Variants in MYLK2 observed in about 807,000 individuals in gnomAD.
The protein encoded by MYLK2 is myosin light chain kinase 2, also known as myosin light chain kinase 2, skeletal/cardiac muscle.
Under a neutral mutation model 58.2 loss-of-function variants are expected in MYLK2, and 27 were observed. That is an observed-to-expected ratio of 0.46 (90% CI 0.34 to 0.64). The LOEUF (loss-of-function observed/expected upper bound fraction) is 0.64. MYLK2 is among the 30% of genes least tolerant of loss of function. MYLK2 has a pLI of 0.01. For missense variants in MYLK2, 676 were observed against 764.3 expected (o/e 0.88, Z 1.36); for synonymous variants, 310 against 296.7 (o/e 1.04, Z -0.46).
At chr20:31,823,365 T>TGGAGCC in intron 4 of MYLK2, 112 bp from the exon 5 acceptor site, 1 of 925,992 alleles carries the variant, frequency 1.1e-6, no homozygotes, top group South Asian at 1.4e-5. Context: ...CAGGTATCAC[T>TGGAGCC]TGGTGAACTT....
intron 8 of MYLK2, among the ~76,000 whole-genome samples, chr20:31,828,854 T>G (rs2062292319): frequency 6.6e-6 from 1 of 151,250 alleles, no homozygotes; most frequent in Non-Finnish European, 1.5e-5. Flanking sequence ...GGGGCCAGAG[T>G]GGATGCAGGG....
intron 8 of MYLK2, among the ~76,000 whole-genome samples, chr20:31,829,445 T>C (rs993189696): frequency 2.0e-5 from 3 of 152,288 alleles, no homozygotes; most frequent in South Asian, 2.1e-4. Flanking sequence ...TTTTCTTTCC[T>C]GTTTTGTGGG....
At chr20:31,827,330 T>C in intron 8 of MYLK2, 2 of 985,320 alleles carry the variant, frequency 2.0e-6, no homozygotes, top group Non-Finnish European at 2.4e-6. Flanking sequence ...TGATCATTTA[T>C]TCAAAAGCAA....
chr20:31,833,117 G>A (rs1296518452), intron 12 of MYLK2, among the ~76,000 whole-genome samples: 7 of 152,196 alleles, frequency 4.6e-5, no homozygotes, highest in Admixed American at 2.6e-4. Flanking sequence ...CAATCCTCCC[G>A]CCTTGGCCTC....
Position 31,826,892 on chromosome 20 carries a change from G to T in MYLK2, c.1178G>T (p.Gly393Val). The change falls in exon 8 of 13, where the codon GGG (glycine) becomes GTG (valine). Residue 393 changes from glycine to valine, a missense_variant. Physicochemically the swap from Gly to Val is moderately radical, Grantham distance 109. Coordinates refer to ENST00000375985, the MANE Select transcript of MYLK2 (RefSeq NM_033118.4). ...TMVFVRQICD[G>V]ILFMHKMRVL... is the part of the protein sequence containing the mutation. Reference sequence around the variant, plus strand: ...GTGTTTGTCAGGCAGATCTGTGACGGGATCCTCTTCATGCACAAGATGAGG... The same window carrying T: ...GTGTTTGTCAGGCAGATCTGTGACGTGATCCTCTTCATGCACAAGATGAGG... 6.2e-7 allele frequency: 1 copy of T among 1,614,054 alleles called. No homozygotes were observed.
chr20:31,822,359 C>A lies in MYLK2; in HGVS notation c.772+622C>A, dbSNP rs532831186. Among the ~76,000 whole-genome samples, 3 of 152,320 alleles carry A rather than the reference C, an allele frequency of 2.0e-5. No homozygotes were observed. The South Asian group carries it at 6.2e-4, about 32-fold the overall frequency. ...TCAAATGCCAGGCTTAGTAGCTAAA[C>A]TGTATAGTGGGGTGGGGTCGTGGGA... On this transcript the variant is annotated intron_variant, in intron 4 of 12. Transcript: ENST00000375985.
chr20:31,824,448 G>C, intron 6 of MYLK2, 96 bp downstream of exon 6: 1 of 1,547,828 alleles, frequency 6.5e-7, no homozygotes, highest in East Asian at 2.4e-5. Flanking sequence ...GCTGAACCTG[G>C]GGCCTGGTAT....
chr20:31,832,697 T>C (rs1409322759), intron 12 of MYLK2, among the ~76,000 whole-genome samples: 2 of 152,140 alleles, frequency 1.3e-5, no homozygotes, highest in Non-Finnish European at 2.9e-5. Flanking sequence ...TTCACCATGT[T>C]GGCCAGGCTG....
chr20:31,827,133 G>A lies in MYLK2; in HGVS notation c.1224+195G>A, dbSNP rs199808828. ...GCCGGGGGCACAGCAAAGAGAGAGAGGGGGGGAAAAAAAAAAGACGTGGTA... is the reference window on the plus strand; with the variant it reads ...GCCGGGGGCACAGCAAAGAGAGAGAAGGGGGGAAAAAAAAAAGACGTGGTA... On this transcript the variant is annotated intron_variant, in intron 8 of 12. Coordinates refer to ENST00000375985, the MANE Select transcript of MYLK2 (RefSeq NM_033118.4). The A allele has an allele frequency of 6.0e-6, 5 of 828,334 alleles. No individual in the cohort carries two copies. In the East Asian group the frequency reaches 3.4e-4, roughly 57 times the overall value. 51.3% of individuals were successfully genotyped at this position (828,334 alleles called of 1,614,324 possible).
Position 31,833,882 on chromosome 20 carries a change from C to G in MYLK2, c.*85C>G, listed in dbSNP as rs893701679. On this transcript the variant is annotated 3_prime_UTR_variant, in exon 13 of 13. Transcript: ENST00000375985. Reference sequence around the variant, plus strand: ...AGCCCAGAAGGCCAGAAAAGGCAGCCAGATCCCCAGGGCAGCCTCGTTAGG... The same window carrying G: ...AGCCCAGAAGGCCAGAAAAGGCAGCGAGATCCCCAGGGCAGCCTCGTTAGG... 7.7e-7 allele frequency: 1 copy of G among 1,300,430 alleles called. No homozygotes were observed. The highest frequency in any genetic ancestry group is 1.1e-6 in the Non-Finnish European group (1 of 914,430). The allele number at this position is 1,300,430 out of a possible 1,614,324, so 80.6% of individuals were successfully genotyped here. A position where few individuals can be genotyped will look rare whatever the true frequency, so the allele number is the denominator to read the frequency against.
intron 3 of MYLK2, 99 bp downstream of exon 3, chr20:31,820,645 A>T: frequency 7.2e-7 from 1 of 1,392,838 alleles, no homozygotes; most frequent in Non-Finnish European, 9.9e-7. Context: ...CATCACATTC[A>T]GTGCTGGGGA....
chr20:31,827,226 G>A, intron 8 of MYLK2: 3 of 985,432 alleles, frequency 3.0e-6, no homozygotes, highest in East Asian at 1.1e-4. Context: ...AGTCCTGTGA[G>A]CCCCAAGCTC....
Position 31,831,007 on chromosome 20 carries a change from C to G in MYLK2, c.1296-6C>G. ...CTGTGCTCTCAGCCCTTGGTCTCACCCCCAGGTATAACCCCAACGAGAAGC... is the reference window on the plus strand; with the variant it reads ...CTGTGCTCTCAGCCCTTGGTCTCACGCCCAGGTATAACCCCAACGAGAAGC... On this transcript the variant is annotated splice_polypyrimidine_tract_variant and splice_region_variant and intron_variant, in intron 9 of 12. Transcript: ENST00000375985. 1 of 1,614,128 alleles carries G rather than the reference C, an allele frequency of 6.2e-7. No individual in the cohort carries two copies.
At chr20:31,830,465 C>G (rs537532137) in intron 8 of MYLK2, among the ~76,000 whole-genome samples, 33 of 152,294 alleles carry the variant, frequency 2.2e-4, no homozygotes, top group African/African-American at 7.9e-4. Context: ...CACTGGCCCC[C>G]CAGCCTGGGG....
In MYLK2 at chr20:31,823,475, A is replaced by G; in HGVS notation, c.773-2A>G. 6.2e-7 allele frequency: 1 copy of G among 1,612,294 alleles called. No homozygotes were observed. The highest frequency in any genetic ancestry group is 1.7e-5 in the Admixed American group (1 of 60,026). ...CCATGAGGGCTGTGCTCTGTCCCCC[A>G]GATGATTGCCCGCCACCTCCGGCCC... On this transcript the variant is annotated splice_acceptor_variant, in intron 4 of 12. Coordinates refer to ENST00000375985, the MANE Select transcript of MYLK2 (RefSeq NM_033118.4). LOFTEE classifies it high-confidence loss of function.
chr20:31,823,476 G>C lies in MYLK2; in HGVS notation c.773-1G>C. The C allele has an allele frequency of 6.2e-7, 1 of 1,612,454 alleles. No individual in the cohort carries two copies. On this transcript the variant is annotated splice_acceptor_variant, in intron 4 of 12. Coordinates refer to ENST00000375985, the MANE Select transcript of MYLK2 (RefSeq NM_033118.4). LOFTEE classifies it high-confidence loss of function. ...CATGAGGGCTGTGCTCTGTCCCCCA[G>C]ATGATTGCCCGCCACCTCCGGCCCC...
chr20:31,827,397 C>T, intron 8 of MYLK2: 4 of 985,240 alleles, frequency 4.1e-6, no homozygotes, highest in Non-Finnish European at 4.8e-6. Flanking sequence ...GGTGGAGATC[C>T]TGTGGTGAAC....
chr20:31,832,094 C>G lies in MYLK2; in HGVS notation c.1668C>G (p.Ser556=), dbSNP rs1421421855. The G allele has an allele frequency of 1.9e-6, 3 of 1,609,852 alleles. No individual in the cohort carries two copies. The highest frequency in any genetic ancestry group is 2.5e-6 in the Non-Finnish European group (3 of 1,178,242). ...KAKRCNRRLK[S]QILLKKYLMK... ...AACGCTGTAACCGACGCCTTAAGTC[C>G]CAGATCTTGCTTAAGAAATACCTCA... is the stretch of plus-strand genomic sequence containing the variant. The change falls in exon 12 of 13, where the codon TCC becomes TCG. Residue 556 remains serine (S), a synonymous_variant. Transcript: ENST00000375985.
chr20:31,831,733 T>C lies in MYLK2; in HGVS notation c.1455T>C (p.Asp485=), dbSNP rs2062307384. The C allele has an allele frequency of 1.2e-6, 2 of 1,613,858 alleles. No homozygotes were observed. The highest frequency in any genetic ancestry group is 1.7e-6 in the Non-Finnish European group (2 of 1,179,958). The change falls in exon 11 of 13, where the codon GAT becomes GAC. Residue 485 remains aspartate (D), a synonymous_variant. Transcript: ENST00000375985. ...LLSGLSPFLG[D]DDTETLNNVL... is the part of the protein sequence containing the mutation. ...GCGGCCTCTCCCCCTTCCTGGGAGA[T>C]GATGACACAGAGACCCTAAACAACG...
Sources: allele counts gnomAD v4.1 joint callset (sites outside exome capture counted in the v4.1 genomes callset), GRCh38; gene constraint gnomAD v4.1.1; transcripts MANE v1.5; gene names NCBI Gene and HGNC (gene_info 2026-07-23, HGNC 2026-07-21).